The following IL12B variants were observed in gnomAD, a reference collection of about 807,000 sequenced individuals.
The protein encoded by IL12B is interleukin 12B.
Under a neutral mutation model 39.2 loss-of-function variants are expected in IL12B, and 27 were observed. The observed-to-expected ratio is 0.69, with a 90% CI of 0.51 to 0.95. IL12B has a LOEUF of 0.95. Among genes scored for constraint, IL12B ranks in the 40% least tolerant of loss-of-function variants. The pLI, the probability that IL12B is intolerant of heterozygous loss-of-function variation, is 0.00. For synonymous variants in IL12B, 142 were observed against 152.1 expected (o/e 0.93, Z 0.49); for missense variants, 351 against 397.6 (o/e 0.88, Z 1.00).
chr5:159,318,702 C>T (rs1361226640), intron 6 of IL12B, 34 bp downstream of exon 6: 3 of 1,610,228 alleles, frequency 1.9e-6, no homozygotes, highest in Non-Finnish European at 2.5e-6. Flanking sequence ...GTAAAACTGA[C>T]CAAGGAATAT....
intron 1 of IL12B, among the ~76,000 whole-genome samples, chr5:159,328,371 A>C (rs114294646): frequency 5.6e-4 from 85 of 152,252 alleles, no homozygotes; most frequent in African/African-American, 1.9e-3. Context: ...CCCACCGCTC[A>C]TTTGCTGTTG....
chr5:159,326,756 A>G lies in IL12B; in HGVS notation c.27T>C (p.Ser9=). 1.9e-6 allele frequency: 3 copies of G among 1,612,976 alleles called. No homozygotes were observed. Among genetic ancestry groups the G allele is most frequent in the Non-Finnish European group, 2.5e-6 (3 of 1,178,946 alleles). ...ATGCCAGAAAAACCAGGGAAAACCA[A>G]GAGATGACCAACTGCTGGTGACACA... MCHQQLVI[S]WFSLVFLASP... The change falls in exon 2 of 8, where the codon TCT becomes TCC. Residue 9 remains serine, a synonymous_variant. Coordinates refer to ENST00000231228, the MANE Select transcript of IL12B (RefSeq NM_002187.3).
At chr5:159,321,388 T>C (rs904651639) in intron 4 of IL12B, among the ~76,000 whole-genome samples, 2 of 145,748 alleles carry the variant, frequency 1.4e-5, no homozygotes, top group South Asian at 2.1e-4. Context: ...CACACACACA[T>C]ATGTATACAC....
chr5:159,323,438 A>G, intron 2 of IL12B, 109 bp from the exon 3 acceptor site: 1 of 1,045,056 alleles, frequency 9.6e-7, no homozygotes, highest in African/African-American at 1.6e-5. Context: ...CCTTGTTTAC[A>G]ACAAGTATTT....
intron 2 of IL12B, 57 bp downstream of exon 2, chr5:159,326,638 C>T: frequency 7.9e-7 from 1 of 1,258,588 alleles, no homozygotes; most frequent in Non-Finnish European, 1.2e-6. Context: ...CAGTGGCTGC[C>T]CAAGAGTCCT....
chr5:159,323,289 T>A lies in IL12B; in HGVS notation c.129A>T (p.Gly43=), dbSNP rs1293629658. The change falls in exon 3 of 8, where the codon GGA becomes GGT. Residue 43 remains glycine (G), a synonymous_variant. Transcript: ENST00000231228. Reference sequence around the variant, plus strand: ...TGTCACAGGTGAGGACCACCATTTCTCCAGGGGCATCCGGATACCAATCCA... The same window carrying A: ...TGTCACAGGTGAGGACCACCATTTCACCAGGGGCATCCGGATACCAATCCA... ...VELDWYPDAP[G]EMVVLTCDTP... 6.2e-7 allele frequency: 1 copy of A among 1,614,078 alleles called. No individual in the cohort carries two copies. The highest frequency in any genetic ancestry group is 1.1e-5 in the South Asian group (1 of 91,080).
chr5:159,328,193 C>A (rs1333538272), intron 1 of IL12B, among the ~76,000 whole-genome samples: 2 of 152,182 alleles, frequency 1.3e-5, no homozygotes, highest in East Asian at 3.9e-4. Flanking sequence ...GCCTAGAAGT[C>A]AAGCCTTCTT....
chr5:159,324,745 G>A (rs1193581662), intron 2 of IL12B, among the ~76,000 whole-genome samples: 1 of 152,240 alleles, frequency 6.6e-6, no homozygotes, highest in Non-Finnish European at 1.5e-5. Flanking sequence ...AGGTGGATAT[G>A]TGGATTATAT....
In IL12B at chr5:159,315,781, A is replaced by G. The variant is rs1483805387; in HGVS notation, c.*320T>C. 2 of 152,806 alleles carry G rather than the reference A, an allele frequency of 1.3e-5. No homozygotes were observed. Among genetic ancestry groups the G allele is most frequent in the African/African-American group, 4.8e-5 (2 of 41,462 alleles). The allele number at this position is 152,806 out of a possible 1,614,324, so 9.5% of individuals were successfully genotyped here. On this transcript the variant is annotated 3_prime_UTR_variant, in exon 8 of 8. Coordinates refer to ENST00000231228, the MANE Select transcript of IL12B (RefSeq NM_002187.3). ...GATGGATCAGGTCATAAGAGTATGA[A>G]ACATTCCATACATCCTGGCAGACAA... is the stretch of plus-strand genomic sequence containing the variant.
At chr5:159,326,083 C>T (rs574861866) in intron 2 of IL12B, among the ~76,000 whole-genome samples, 17 of 152,188 alleles carry the variant, frequency 1.1e-4, no homozygotes, top group Admixed American at 2.0e-4. Flanking sequence ...TACTATCTGT[C>T]GAGTTGTATT....
chr5:159,319,762 C>T (rs947049575), intron 5 of IL12B, among the ~76,000 whole-genome samples: 2 of 152,300 alleles, frequency 1.3e-5, no homozygotes, highest in African/African-American at 4.8e-5. Flanking sequence ...GAAGCAAGTT[C>T]TCTGGTTCTA....
intron 5 of IL12B, among the ~76,000 whole-genome samples, chr5:159,319,736 A>T: frequency 6.6e-6 from 1 of 152,132 alleles, no homozygotes; most frequent in Non-Finnish European, 1.5e-5. Flanking sequence ...CCAAGTACAA[A>T]CCCTCCATAA....
rs2113022201 is a variant in IL12B at position 159,315,934 on chromosome 5, T to TTAATTTGTA, written c.*166_*167insTACAAATTA. On this transcript the variant is annotated 3_prime_UTR_variant, in exon 8 of 8. Transcript: ENST00000231228. ...ATTAGCTGATTGTTTCAATGAGCAT[T>TTAATTTGTA]TAGCATCTAACTATACAAATACAGC... The TTAATTTGTA allele has an allele frequency of 6.6e-6, 1 of 152,516 alleles. No homozygotes were observed. Among genetic ancestry groups the TTAATTTGTA allele is most frequent in the South Asian group, 2.1e-4 (1 of 4,830 alleles). 9.4% of individuals were successfully genotyped at this position (152,516 alleles called of 1,614,324 possible). A position where few individuals can be genotyped will look rare whatever the true frequency, so the allele number is the denominator to read the frequency against.
chr5:159,327,763 C>T (rs1754216645), intron 1 of IL12B, among the ~76,000 whole-genome samples: 1 of 152,138 alleles, frequency 6.6e-6, no homozygotes, highest in Admixed American at 6.5e-5. Flanking sequence ...TGGGAAAAGA[C>T]CACAACATAT....
Position 159,314,903 on chromosome 5 carries a change from AC to A in IL12B, c.*1197del, listed in dbSNP as rs774569234. 17 of 152,338 alleles carry A rather than the reference AC, an allele frequency of 1.1e-4. No homozygotes were observed. Among genetic ancestry groups the A allele is most frequent in the Non-Finnish European group, 2.1e-4 (14 of 68,040 alleles). 9.4% of individuals were successfully genotyped at this position (152,338 alleles called of 1,614,324 possible). A position where few individuals can be genotyped will look rare whatever the true frequency, so the allele number is the denominator to read the frequency against. ...CGCACATACATTACTTAAAAGTAGC[AC>A]CTTCATGGAGCCATATTTTCTGGTC... On this transcript the variant is annotated 3_prime_UTR_variant, in exon 8 of 8. Transcript: ENST00000231228.
At chr5:159,322,031 T>G (rs538007958) in intron 4 of IL12B, among the ~76,000 whole-genome samples, 2 of 152,298 alleles carry the variant, frequency 1.3e-5, no homozygotes, top group South Asian at 4.1e-4. Flanking sequence ...GTTTTTATTT[T>G]TGACTCAAGG....
At chr5:159,330,277 A>T (rs1327034012) in intron 1 of IL12B, among the ~76,000 whole-genome samples, 155 bp downstream of exon 1, 3 of 152,182 alleles carry the variant, frequency 2.0e-5, no homozygotes, top group Non-Finnish European at 4.4e-5. Flanking sequence ...CTAAGTTTTC[A>T]CTAATGTTCC....
At chr5:159,322,353 G>T (rs1754107030) in intron 4 of IL12B, 41 bp downstream of exon 4, 9 of 1,237,122 alleles carry the variant, frequency 7.3e-6, no homozygotes, top group Non-Finnish European at 9.6e-6. Flanking sequence ...TAATGAAATA[G>T]TTCTAGAAAA....
intron 6 of IL12B, 87 bp downstream of exon 6, chr5:159,318,649 T>C: frequency 8.4e-7 from 1 of 1,196,250 alleles, no homozygotes; most frequent in South Asian, 1.2e-5. Context: ...TGGATGTCAT[T>C]GTTATTATCA....
Sources: gnomAD v4.1 joint callset for allele counts (sites outside exome capture counted in the v4.1 genomes callset) on GRCh38, gnomAD v4.1.1 for gene constraint, MANE v1.5 for transcripts, NCBI Gene and HGNC (gene_info 2026-07-23, HGNC 2026-07-21) for gene names.